Variants in CLCN4 observed in about 807,000 individuals in gnomAD.
The protein encoded by CLCN4 is Cl-/H+ antiporter 4.
CLCN4 carries 1 observed loss-of-function variant against 41.7 expected under a neutral mutation model. That is an observed-to-expected ratio of 0.02 (90% confidence interval 0.01 to 0.11). The LOEUF (loss-of-function observed/expected upper bound fraction) is 0.11, where lower values mean the gene tolerates loss of function less well. Among genes scored for constraint, CLCN4 ranks in the 10% least tolerant of loss-of-function variants. The pLI is 1.00. For synonymous variants in CLCN4, 277 were observed against 285.8 expected (o/e 0.97, Z 0.31); for missense variants, 287 against 661.0 (o/e 0.43, Z 6.20).
At chrX:10,165,199 T>C (rs1404685852) in intron 2 of CLCN4, among the ~76,000 whole-genome samples, 3 of 113,248 alleles carry the variant, frequency 2.6e-5, no homozygotes, top group Non-Finnish European at 5.6e-5. Flanking sequence ...GCACTGGCTA[T>C]TCCCTCAGCC....
At chrX:10,220,266 G>A (rs1467043846) in intron 11 of CLCN4, among the ~76,000 whole-genome samples, 1 of 111,942 alleles carries the variant, frequency 8.9e-6, no homozygotes, top group South Asian at 3.7e-4. Flanking sequence ...AGGTCATCGG[G>A]CAGCTAAGTA....
At chrX:10,174,717 A>C (rs1353672434) in intron 2 of CLCN4, among the ~76,000 whole-genome samples, 1 of 110,263 alleles carries the variant, frequency 9.1e-6, no homozygotes, top group African/African-American at 3.3e-5. Context: ...CCTCCCCTCC[A>C]GGCTGCCCTA....
At chrX:10,200,113 A>T (rs970967176) in intron 6 of CLCN4, among the ~76,000 whole-genome samples, 7 of 111,146 alleles carry the variant, frequency 6.3e-5, no homozygotes, top group Non-Finnish European at 1.3e-4. Flanking sequence ...GGCTGGTCTC[A>T]AATTCCTGGG....
intron 3 of CLCN4, among the ~76,000 whole-genome samples, chrX:10,187,249 G>A (rs754505062): frequency 8.9e-6 from 1 of 112,186 alleles, no homozygotes; most frequent in South Asian, 3.7e-4. Flanking sequence ...ATCACATTTA[G>A]TATGTTTTTT....
intron 5 of CLCN4, among the ~76,000 whole-genome samples, chrX:10,196,951 G>A (rs1355101182): frequency 8.9e-6 from 1 of 112,304 alleles, no homozygotes; most frequent in African/African-American, 3.2e-5. Flanking sequence ...TTCTTAGTCC[G>A]ATTTCTCACC....
intron 2 of CLCN4, among the ~76,000 whole-genome samples, chrX:10,171,185 G>T (rs1176619079): frequency 8.9e-6 from 1 of 112,299 alleles, no homozygotes; most frequent in African/African-American, 3.2e-5. Flanking sequence ...ACCGCGTCCG[G>T]CTCTGAATTC....
intron 2 of CLCN4, among the ~76,000 whole-genome samples, chrX:10,172,662 T>TGA (rs774545518): frequency 4.4e-5 from 4 of 90,510 alleles, no homozygotes; most frequent in Admixed American, 1.4e-4. Context: ...TGTGTGTATG[T>TGA]GAGAGAGAGA....
chrX:10,227,062 C>T (rs975620806), intron 12 of CLCN4, among the ~76,000 whole-genome samples: 2 of 111,028 alleles, frequency 1.8e-5, no homozygotes, highest in Admixed American at 1.9e-4. Context: ...CCAGCATCAT[C>T]CTGATACCAA....
chrX:10,191,005 T>A (rs1602148096), intron 4 of CLCN4, among the ~76,000 whole-genome samples: 1 of 112,534 alleles, frequency 8.9e-6, no homozygotes, highest in South Asian at 3.6e-4. Context: ...GATGTATATA[T>A]GTATGTATGT....
chrX:10,177,073 C>G (rs1213751635), intron 2 of CLCN4, among the ~76,000 whole-genome samples: 1 of 112,790 alleles, frequency 8.9e-6, no homozygotes, highest in African/African-American at 3.2e-5. Flanking sequence ...TGCTTTCGTA[C>G]AGCTTATGAG....
At chrX:10,197,825 C>A in intron 5 of CLCN4, 114 bp from the exon 6 acceptor site, 1 of 979,885 alleles carries the variant, frequency 1.0e-6, no homozygotes, top group Admixed American at 2.5e-5. Context: ...TGGGACCAAA[C>A]CTGCCCAATC....
At chrX:10,213,555 T>C (rs1297660573) in intron 10 of CLCN4, 126 bp from the exon 11 acceptor site, 2 of 628,955 alleles carry the variant, frequency 3.2e-6, no homozygotes, top group Non-Finnish European at 5.0e-6. Context: ...GTAGGAAGCA[T>C]GTAGGAGAGT....
intron 2 of CLCN4, among the ~76,000 whole-genome samples, chrX:10,175,945 C>CCT (rs1259375232): frequency 0.018 from 760 of 41,970 alleles, 21 homozygotes; most frequent in African/African-American, 0.065. Flanking sequence ...CCTCCCTCTC[C>CCT]CTCTCTCTCT....
chrX:10,197,930 G>A lies in CLCN4; in HGVS notation c.433-9G>A, dbSNP rs1399286725. Reference sequence around the variant, plus strand: ...ATGTTTCCTTTTGTGTTTTGTGTCTGTTGTCTAGGGTGCCAGTGCTTACAT... The same window carrying A: ...ATGTTTCCTTTTGTGTTTTGTGTCTATTGTCTAGGGTGCCAGTGCTTACAT... On this transcript the variant is annotated splice_polypyrimidine_tract_variant and intron_variant, in intron 5 of 12. Transcript: ENST00000380833. 1 of 1,209,914 alleles carries A rather than the reference G, an allele frequency of 8.3e-7. No individual in the cohort carries two copies. Among genetic ancestry groups the A allele is most frequent in the Admixed American group, 2.2e-5 (1 of 45,869 alleles).
chrX:10,183,246 A>G (rs1278636035), intron 2 of CLCN4, among the ~76,000 whole-genome samples: 1 of 112,061 alleles, frequency 8.9e-6, no homozygotes, highest in East Asian at 2.8e-4. Context: ...TCAACTTGGC[A>G]TGGCTCAAAC....
chrX:10,189,257 G>A (rs1923893136), intron 4 of CLCN4, among the ~76,000 whole-genome samples: 1 of 112,324 alleles, frequency 8.9e-6, no homozygotes, highest in Non-Finnish European at 1.9e-5. Flanking sequence ...TAGATGTTCT[G>A]ATAACGGCAC....
In CLCN4 at chrX:10,235,790, T is replaced by C. The variant is rs1011617157; in HGVS notation, c.*2206T>C. The stretch of plus-strand genomic sequence containing the variant: ...TTGACCTCTTCCTTCCAAAATAACA[T>C]CAAGTAGCCACCTCAGTGTGACAAT... On this transcript the variant is annotated 3_prime_UTR_variant, in exon 13 of 13. Transcript: ENST00000380833. The C allele has an allele frequency of 8.9e-6, 1 of 112,531 alleles. No homozygotes were observed. Among genetic ancestry groups the C allele is most frequent in the African/African-American group, 3.2e-5 (1 of 30,937 alleles). The allele number at this position is 112,531 out of a possible 1,213,427, so 9.3% of individuals were successfully genotyped here.
intron 5 of CLCN4, among the ~76,000 whole-genome samples, chrX:10,197,511 C>T (rs1924128368): frequency 9.0e-6 from 1 of 111,032 alleles, no homozygotes; most frequent in Non-Finnish European, 1.9e-5. Flanking sequence ...AGTGCGGGTG[C>T]TTGCTGTGCT....
In CLCN4 at chrX:10,213,675, T is replaced by C. The variant is rs770995887; in HGVS notation, c.1577-6T>C. 2.4e-4 allele frequency: 285 copies of C among 1,197,459 alleles called. No homozygotes were observed. In the South Asian group the frequency reaches 3.7e-3, roughly 15 times the overall value. ...TTTGGAATCTTACTCCTCCCCTCTG[T>C]TGCAGGTGGAGTTACCAGGATGACG... On this transcript the variant is annotated splice_region_variant and splice_polypyrimidine_tract_variant and intron_variant, in intron 10 of 12. Coordinates refer to ENST00000380833, the MANE Select transcript of CLCN4 (RefSeq NM_001830.4).
Sources: gnomAD v4.1 joint callset for allele counts (sites outside exome capture counted in the v4.1 genomes callset) on GRCh38, gnomAD v4.1.1 for gene constraint, MANE v1.5 for transcripts, NCBI Gene and HGNC (gene_info 2026-07-23, HGNC 2026-07-21) for gene names.